The following CNOT4 variants were observed in gnomAD, a reference collection of about 807,000 sequenced individuals.
CNOT4 encodes CCR4-NOT transcription complex subunit 4.
In CNOT4, 8 loss-of-function variants were observed where a neutral mutation model predicts 73.8. The ratio of observed to expected loss-of-function variants is 0.11; its 90% confidence interval spans 0.06 to 0.20. The LOEUF is 0.20. Among genes scored for constraint, CNOT4 ranks in the 10% least tolerant of loss-of-function variants. The probability of loss-of-function intolerance (pLI) is 1.00; values close to 1 mark genes in which losing one functional copy is unlikely to be tolerated. For missense variants in CNOT4, 564 were observed against 883.4 expected, an observed-to-expected ratio of 0.64 and a Z score of 4.58; for synonymous variants, 293 against 321.1, an observed-to-expected ratio of 0.91 and a Z score of 0.94.
At chr7:135,502,645 T>C (rs1189808272) in intron 1 of CNOT4, among the ~76,000 whole-genome samples, 4 of 150,914 alleles carry the variant, frequency 2.7e-5, no homozygotes, top group African/African-American at 9.8e-5. Context: ...TGAAACCCTG[T>C]CTCTACTAAA....
chr7:135,424,088 CACAT>C (rs1322971092), intron 2 of CNOT4, among the ~76,000 whole-genome samples: 74 of 116,168 alleles, frequency 6.4e-4, no homozygotes, highest in Non-Finnish European at 1.1e-3. Flanking sequence ...CACACACACA[CACAT>C]TTTTTATTAA....
intron 10 of CNOT4, chr7:135,388,301 T>C: frequency 1.0e-6 from 1 of 985,086 alleles, no homozygotes; most frequent in Non-Finnish European, 1.2e-6. Context: ...ACAATATCCT[T>C]CTGAGCATTA....
At chr7:135,437,950 A>T (rs1222746767) in intron 2 of CNOT4, among the ~76,000 whole-genome samples, 1 of 152,210 alleles carries the variant, frequency 6.6e-6, no homozygotes, top group African/African-American at 2.4e-5. Flanking sequence ...CTTTACAAAG[A>T]TCATACAGCT....
intron 2 of CNOT4, among the ~76,000 whole-genome samples, chr7:135,430,493 T>A (rs1429775391): frequency 4.6e-5 from 7 of 151,998 alleles, no homozygotes; most frequent in African/African-American, 1.4e-4. Context: ...AAATTTTTTT[T>A]AATTATTCAG....
chr7:135,372,389 A>AT (rs1795255819), intron 10 of CNOT4, among the ~76,000 whole-genome samples: 1 of 152,182 alleles, frequency 6.6e-6, no homozygotes, highest in Admixed American at 6.5e-5. Context: ...ACCACAGTGT[A>AT]TTGCAATCAT....
At chr7:135,460,857 T>C (rs2129486297) in intron 1 of CNOT4, among the ~76,000 whole-genome samples, 1 of 152,312 alleles carries the variant, frequency 6.6e-6, no homozygotes, top group Admixed American at 6.5e-5. Flanking sequence ...CCTGAAACGG[T>C]TCTATGTGAC....
chr7:135,466,905 G>T (rs540589152), intron 1 of CNOT4, among the ~76,000 whole-genome samples: 2 of 152,206 alleles, frequency 1.3e-5, no homozygotes, highest in East Asian at 3.9e-4. Flanking sequence ...CACCATCTAG[G>T]TTTGTGTAAG....
chr7:135,491,588 T>C (rs182238791), intron 1 of CNOT4, among the ~76,000 whole-genome samples: 192 of 152,178 alleles, frequency 1.3e-3, no homozygotes, highest in Non-Finnish European at 1.2e-3. Context: ...AGCACAGTGG[T>C]AGGGGCAAAG....
At chr7:135,406,380 C>T (rs1381133314) in intron 7 of CNOT4, among the ~76,000 whole-genome samples, 1 of 140,904 alleles carries the variant, frequency 7.1e-6, no homozygotes, top group Non-Finnish European at 1.5e-5. Flanking sequence ...TTTGCTCTGG[C>T]CAGGCACAGT....
chr7:135,447,710 C>T (rs746529405), intron 1 of CNOT4, among the ~76,000 whole-genome samples: 21 of 152,102 alleles, frequency 1.4e-4, no homozygotes, highest in Non-Finnish European at 2.6e-4. Context: ...CAATATCAAA[C>T]CCAAGGTTGA....
chr7:135,374,011 G>A (rs529967114), intron 10 of CNOT4, among the ~76,000 whole-genome samples: 1 of 152,324 alleles, frequency 6.6e-6, no homozygotes, highest in African/African-American at 2.4e-5. Context: ...GGGAAATAAT[G>A]CGTAGCATTT....
intron 3 of CNOT4, among the ~76,000 whole-genome samples, chr7:135,419,423 G>T (rs1303918652): frequency 6.6e-6 from 1 of 151,956 alleles, no homozygotes; most frequent in Non-Finnish European, 1.5e-5. Flanking sequence ...TACTAAAAAG[G>T]TTATAAAGAC....
chr7:135,412,025 T>C (rs906991238), intron 6 of CNOT4, among the ~76,000 whole-genome samples: 4 of 151,976 alleles, frequency 2.6e-5, no homozygotes, highest in Non-Finnish European at 4.4e-5. Flanking sequence ...TAAACTCAGC[T>C]AAAGAAGAGC....
rs898418304 is a variant in CNOT4, at chr7:135,441,441, T to C, written c.-92-3018A>G. On this transcript the variant is annotated intron_variant, in intron 1 of 11. Coordinates refer to ENST00000541284, the MANE Select transcript of CNOT4 (RefSeq NM_001190850.2). ...AAAAAGAAATGCCCAGATTTGCCAC[T>C]ATCAGTTTTCAGCATATATACAGTT... Among the ~76,000 whole-genome samples the C allele has an allele frequency of 3.3e-5, 5 of 151,414 alleles. No individual in the cohort carries two copies. The South Asian group carries it at 8.4e-4, about 25-fold the overall frequency.
intron 10 of CNOT4, among the ~76,000 whole-genome samples, chr7:135,370,745 G>A (rs1189801994): frequency 1.3e-5 from 2 of 152,178 alleles, no homozygotes; most frequent in African/African-American, 4.8e-5. Context: ...ATTCCTATCT[G>A]TATAATGCTG....
At chr7:135,383,455 C>T (rs1480700862) in intron 10 of CNOT4, among the ~76,000 whole-genome samples, 1 of 152,220 alleles carries the variant, frequency 6.6e-6, no homozygotes, top group Non-Finnish European at 1.5e-5. Flanking sequence ...CTTCCATGTC[C>T]TCCTACGATG....
chr7:135,386,264 C>T (rs1278017831), intron 10 of CNOT4: 3 of 151,548 alleles, frequency 2.0e-5, no homozygotes, highest in Non-Finnish European at 2.9e-5. Context: ...GCACACAAAC[C>T]CACAATTTTG....
intron 7 of CNOT4, among the ~76,000 whole-genome samples, chr7:135,404,212 A>G (rs1415993426): frequency 1.3e-5 from 2 of 152,258 alleles, no homozygotes; most frequent in African/African-American, 4.8e-5. Context: ...ATTCTGAGAT[A>G]TAAACTCAGA....
chr7:135,448,238 C>T (rs1165025173), intron 1 of CNOT4, among the ~76,000 whole-genome samples: 4 of 152,052 alleles, frequency 2.6e-5, no homozygotes, highest in Non-Finnish European at 4.4e-5. Flanking sequence ...CATAAAATTA[C>T]GAGCCATGTA....
Sources: gnomAD v4.1 joint callset for allele counts (sites outside exome capture counted in the v4.1 genomes callset) on GRCh38, gnomAD v4.1.1 for gene constraint, MANE v1.5 for transcripts, NCBI Gene and HGNC (gene_info 2026-07-23, HGNC 2026-07-21) for gene names.